Variants in GALNT9 observed in about 807,000 individuals in gnomAD.
GALNT9 encodes the protein polypeptide N-acetylgalactosaminyltransferase 9.
A neutral mutation model predicts 63.1 loss-of-function variants in GALNT9; 47 were observed. The observed-to-expected ratio is 0.75, with a 90% CI of 0.59 to 0.95. The LOEUF is 0.95. Among genes scored for constraint, GALNT9 ranks in the 40% least tolerant of loss-of-function variants. GALNT9 has a pLI of 0.00. For synonymous variants in GALNT9, 396 were observed against 365.7 expected, an observed-to-expected ratio of 1.08 and a Z score of -0.94; for missense variants, 829 against 874.8, an observed-to-expected ratio of 0.95 and a Z score of 0.66.
Position 132,286,198 on chromosome 12 carries a change from G to T in GALNT9, c.419+52C>A, listed in dbSNP as rs1372832363. The T allele has an allele frequency of 2.0e-6, 3 of 1,508,600 alleles. No homozygotes were observed. The highest frequency in any genetic ancestry group is 4.1e-5 in the Admixed American group (2 of 49,174). 93.5% of individuals were successfully genotyped at this position (1,508,600 alleles called of 1,614,324 possible). On this transcript the variant is annotated intron_variant, in intron 2 of 10. Coordinates refer to ENST00000328957, the MANE Select transcript of GALNT9 (RefSeq NM_001122636.2). This position sits in a 1 kb window ranked among gnomAD's most constrained non-coding sequence, Gnocchi z 7.4. ...GTCACTTCCCTGGCCAGTGTGGGGG[G>T]CGGTCACTTCCTCGGCGGGCGTCGG...
Position 132,286,400 on chromosome 12 carries a change from C to G in GALNT9, c.269G>C (p.Gly90Ala). The change falls in exon 2 of 11, where the codon GGG becomes GCG. Residue 90 changes from glycine (G) to alanine (A), a missense_variant. Transcript: ENST00000328957. The surrounding 1 kb of genome is among the most constrained non-coding windows in gnomAD (Gnocchi z 7.4). ...GLAKPIGLVE[G>A]PGGLGQGGLA... ...GCCACCCTGGCCCAGGCCTCCTGGC[C>G]CCTCCACCAGGCCGATGGGCTTGGC... 2.6e-6 allele frequency: 4 copies of G among 1,550,424 alleles called. No homozygotes were observed. Among genetic ancestry groups the G allele is most frequent in the Non-Finnish European group, 3.5e-6 (4 of 1,146,696 alleles).
At position 132,315,677 on chromosome 12, in the gene GALNT9, G is replaced by A. The variant is rs903509519; in HGVS notation, c.238+13289C>T. 6.6e-6 allele frequency among the ~76,000 whole-genome samples: 1 copy of A among 152,186 alleles called. No homozygotes were observed. Among genetic ancestry groups the A allele is most frequent in the Non-Finnish European group, 1.5e-5 (1 of 68,036 alleles). On this transcript the variant is annotated intron_variant, in intron 1 of 10. Transcript: ENST00000328957. The surrounding 1 kb of genome is among the most constrained non-coding windows in gnomAD (Gnocchi z 6.1). ...AGTCTCTGTGAAGGCCACCAGTTCG[G>A]ATCCCAGTTCTGCCATTACCAGGCT...
chr12:132,240,628 C>A (rs2136898943), intron 6 of GALNT9: 2 of 453,018 alleles, frequency 4.4e-6, no homozygotes, highest in South Asian at 1.6e-5. Flanking sequence ...CGGCTGTGCT[C>A]TATGGGCCTC....
chr12:132,213,497 ACT>A (rs1491337738), intron 6 of GALNT9, among the ~76,000 whole-genome samples: 1 of 67,970 alleles, frequency 1.5e-5, no homozygotes, highest in African/African-American at 5.4e-5. Flanking sequence ...CACGCACTCC[ACT>A]CACACACAGG....
chr12:132,302,948 A>G (rs981524545), intron 1 of GALNT9, among the ~76,000 whole-genome samples: 9 of 147,702 alleles, frequency 6.1e-5, no homozygotes, highest in Non-Finnish European at 1.2e-4. Context: ...ATGCAGAGGG[A>G]CCACTCCGGT....
chr12:132,197,027 G>C lies in GALNT9; in HGVS notation c.*80C>G. 1 of 1,578,174 alleles carries C rather than the reference G, an allele frequency of 6.3e-7. No homozygotes were observed. The highest frequency in any genetic ancestry group is 8.6e-7 in the Non-Finnish European group (1 of 1,160,446). On this transcript the variant is annotated 3_prime_UTR_variant, in exon 11 of 11. Transcript: ENST00000328957. ...AGAGCCCTGTCCTGCTGTGTCTGCCGGGCACACCCCGGTCACTCAGCCACA... is the reference window on the plus strand; with the variant it reads ...AGAGCCCTGTCCTGCTGTGTCTGCCCGGCACACCCCGGTCACTCAGCCACA...
At chr12:132,210,773 G>C (rs1278764602) in intron 6 of GALNT9, among the ~76,000 whole-genome samples, 1 of 152,030 alleles carries the variant, frequency 6.6e-6, no homozygotes, top group Non-Finnish European at 1.5e-5. Flanking sequence ...AAAAGGGCTT[G>C]GTCGCCATCT....
chr12:132,311,317 G>A (rs1486902869), intron 1 of GALNT9, among the ~76,000 whole-genome samples: 1 of 152,170 alleles, frequency 6.6e-6, no homozygotes, highest in Non-Finnish European at 1.5e-5. Context: ...GTGAAGCACT[G>A]GGGGACCTGC....
In GALNT9 at chr12:132,309,977, C is replaced by T. The variant is rs782760391; in HGVS notation, c.238+18989G>A. Among the ~76,000 whole-genome samples, 7 of 152,358 alleles carry T rather than the reference C, an allele frequency of 4.6e-5. No individual in the cohort carries two copies. In the East Asian group the frequency reaches 9.6e-4, roughly 21 times the overall value. The stretch of plus-strand genomic sequence containing the variant: ...CGGGTGACCTCGCCGCTGAGGGTGG[C>T]GCCCGACCAACACCCAGTCAGCAAG... On this transcript the variant is annotated intron_variant, in intron 1 of 10. Transcript: ENST00000328957.
chr12:132,261,371 G>C (rs1489182755), intron 3 of GALNT9, among the ~76,000 whole-genome samples: 2 of 150,524 alleles, frequency 1.3e-5, no homozygotes, highest in South Asian at 2.1e-4. Context: ...GACAGACAGA[G>C]AGACAGACAG....
At chr12:132,227,043 C>T (rs1877722012) in intron 6 of GALNT9, among the ~76,000 whole-genome samples, 3 of 151,868 alleles carry the variant, frequency 2.0e-5, no homozygotes, top group Admixed American at 2.0e-4. Context: ...CACACCCACA[C>T]CCACACACAA....
Position 132,197,083 on chromosome 12 carries a change from G to A in GALNT9, c.*24C>T, listed in dbSNP as rs906082778. Reference sequence around the variant, plus strand: ...TCGGCCCAGCGCCTTCCCGAGGTCTGTGGGGGTCCGGGCGGAGGTGGGGTC... The same window carrying A: ...TCGGCCCAGCGCCTTCCCGAGGTCTATGGGGGTCCGGGCGGAGGTGGGGTC... On this transcript the variant is annotated 3_prime_UTR_variant, in exon 11 of 11. Transcript: ENST00000328957. The A allele has an allele frequency of 4.3e-6, 7 of 1,612,758 alleles. No homozygotes were observed. In the African/African-American group the frequency reaches 8.0e-5, roughly 18 times the overall value.
chr12:132,286,517 G>A lies in GALNT9; in HGVS notation c.239-87C>T, dbSNP rs770016407. 17 of 1,445,608 alleles carry A rather than the reference G, an allele frequency of 1.2e-5. No homozygotes were observed. Among genetic ancestry groups the A allele is most frequent in the Middle Eastern group, 2.5e-4 (1 of 3,954 alleles). The allele number at this position is 1,445,608 out of a possible 1,614,324, so 89.5% of individuals were successfully genotyped here. ...AGACGCCCCTCCCGCCCCTCTCCCC[G>A]ACGGCCGCTTCCCCCGGTACAAGCC... is the stretch of plus-strand genomic sequence containing the variant. On this transcript the variant is annotated intron_variant, in intron 1 of 10. Coordinates refer to ENST00000328957, the MANE Select transcript of GALNT9 (RefSeq NM_001122636.2). This position sits in a 1 kb window ranked among gnomAD's most constrained non-coding sequence, Gnocchi z 7.4.
intron 6 of GALNT9, among the ~76,000 whole-genome samples, chr12:132,243,344 A>G (rs2136905186): frequency 0.039 from 3,528 of 90,690 alleles, 485 homozygotes; most frequent in Middle Eastern, 0.15. Context: ...CCGGGGGGCC[A>G]TCAGGGCCCC....
intron 1 of GALNT9, among the ~76,000 whole-genome samples, chr12:132,288,083 G>A (rs868937863): frequency 6.6e-6 from 1 of 152,200 alleles, no homozygotes; most frequent in Non-Finnish European, 1.5e-5. Flanking sequence ...ACAACTGCCC[G>A]CCTGGGAGGG....
chr12:132,222,831 C>T (rs1352668897), intron 6 of GALNT9, among the ~76,000 whole-genome samples: 3 of 151,034 alleles, frequency 2.0e-5, no homozygotes, highest in African/African-American at 7.3e-5. Context: ...CAACCCACAC[C>T]CTACACAACC....
At chr12:132,270,472 C>T (rs1366027447) in intron 2 of GALNT9, among the ~76,000 whole-genome samples, 1 of 152,198 alleles carries the variant, frequency 6.6e-6, no homozygotes, top group African/African-American at 2.4e-5. Flanking sequence ...AGATAAAACC[C>T]CAGGGACAGG....
chr12:132,259,276 G>A (rs1555239470), intron 4 of GALNT9, among the ~76,000 whole-genome samples: 1 of 152,208 alleles, frequency 6.6e-6, no homozygotes, highest in East Asian at 1.9e-4. Flanking sequence ...TGACGTGACA[G>A]ACCCAAGGCT....
intron 1 of GALNT9, among the ~76,000 whole-genome samples, chr12:132,321,460 C>T (rs1262983472): frequency 1.3e-5 from 2 of 152,208 alleles, no homozygotes; most frequent in African/African-American, 4.8e-5. Context: ...CACAGTGTCA[C>T]ATCCCTCGTC....
Sources: allele counts gnomAD v4.1 joint callset (sites outside exome capture counted in the v4.1 genomes callset), GRCh38; gene constraint gnomAD v4.1.1; non-coding constraint Gnocchi (gnomAD v3.1); transcripts MANE v1.5; gene names NCBI Gene and HGNC (gene_info 2026-07-23, HGNC 2026-07-21).